The following PIP5K1B variants were observed in gnomAD, a reference collection of about 807,000 sequenced individuals.
The protein encoded by PIP5K1B is phosphatidylinositol-4-phosphate 5-kinase type 1 beta.
PIP5K1B carries 42 observed loss-of-function variants against 67.0 expected under a neutral mutation model. The ratio of observed to expected loss-of-function variants is 0.63; its 90% CI spans 0.49 to 0.81. The LOEUF (loss-of-function observed/expected upper bound fraction) is 0.81, where lower values mean the gene tolerates loss of function less well. Ranked by LOEUF, PIP5K1B falls within the 30% of genes least tolerant of loss-of-function variation. The pLI is 0.00. For missense variants in PIP5K1B, 459 were observed against 646.3 expected, an observed-to-expected ratio of 0.71 and a Z score of 3.14; for synonymous variants, 214 against 231.4, an observed-to-expected ratio of 0.92 and a Z score of 0.68.
intron 2 of PIP5K1B, among the ~76,000 whole-genome samples, chr9:68,798,991 CTT>C (rs1403632575): frequency 8.5e-5 from 13 of 152,130 alleles, no homozygotes; most frequent in Admixed American, 6.5e-5. Flanking sequence ...AGTTTACTGA[CTT>C]GAGTAAAAAT....
At chr9:68,995,897 T>C (rs561532903) in intron 15 of PIP5K1B, among the ~76,000 whole-genome samples, 1 of 152,322 alleles carries the variant, frequency 6.6e-6, no homozygotes, top group East Asian at 1.9e-4. Context: ...TTTTTTCCTT[T>C]TGACATAATT....
Position 69,004,197 on chromosome 9 carries a change from C to CT in PIP5K1B, c.1621-4249dup, listed in dbSNP as rs970665460. Among the ~76,000 whole-genome samples the CT allele has an allele frequency of 1.0e-3, 158 of 152,270 alleles. 1 individual carries two copies. The highest frequency in any genetic ancestry group is 3.7e-3 in the African/African-American group (155 of 41,548). ...ACACTGGGATTTAGGCTGAAATACT[C>CT]TACTTTTACTTTTTATGGCAACTAT... On this transcript the variant is annotated intron_variant, in intron 15 of 15. Transcript: ENST00000265382.
chr9:68,899,196 C>T (rs949733034), intron 8 of PIP5K1B, among the ~76,000 whole-genome samples: 2 of 152,116 alleles, frequency 1.3e-5, no homozygotes, highest in Non-Finnish European at 2.9e-5. Context: ...TTCTTCCCCT[C>T]TTCTACACCT....
intron 12 of PIP5K1B, among the ~76,000 whole-genome samples, chr9:68,929,652 A>C (rs764305499): frequency 6.6e-6 from 1 of 151,632 alleles, no homozygotes; most frequent in Non-Finnish European, 1.5e-5. Flanking sequence ...AACAACTTTC[A>C]GTTTTTTTTG....
At chr9:68,994,037 AT>A (rs67700788) in intron 15 of PIP5K1B, among the ~76,000 whole-genome samples, 2,941 of 118,564 alleles carry the variant, frequency 0.025, 68 homozygotes, top group African/African-American at 0.082. Flanking sequence ...TTTTTCCTGA[AT>A]TTTTTTTTTT....
intron 2 of PIP5K1B, among the ~76,000 whole-genome samples, chr9:68,744,683 G>A (rs144414577): frequency 2.6e-5 from 4 of 152,256 alleles, no homozygotes; most frequent in Non-Finnish European, 2.9e-5. Context: ...CTAGGCAGGC[G>A]GTATCATAGG....
intron 14 of PIP5K1B, among the ~76,000 whole-genome samples, chr9:68,953,530 T>A (rs914492907): frequency 6.6e-6 from 1 of 152,020 alleles, no homozygotes; most frequent in Admixed American, 6.6e-5. Flanking sequence ...GAAAACTGAT[T>A]AGAGGCCAGG....
At chr9:68,767,828 T>C (rs1830506602) in intron 2 of PIP5K1B, among the ~76,000 whole-genome samples, 1 of 152,056 alleles carries the variant, frequency 6.6e-6, no homozygotes, top group African/African-American at 2.4e-5. Flanking sequence ...CTGTTTAAGT[T>C]TGTCAAAACT....
intron 1 of PIP5K1B, among the ~76,000 whole-genome samples, chr9:68,741,087 C>T (rs900342353): frequency 1.2e-4 from 18 of 152,304 alleles, no homozygotes; most frequent in African/African-American, 4.1e-4. Flanking sequence ...AAAAATATAT[C>T]TACTCTTTCA....
chr9:68,885,419 A>G (rs781200372), intron 6 of PIP5K1B, among the ~76,000 whole-genome samples: 2 of 152,224 alleles, frequency 1.3e-5, no homozygotes, highest in South Asian at 2.1e-4. Context: ...CAGTTAATGT[A>G]TATCTTTCTA....
intron 6 of PIP5K1B, among the ~76,000 whole-genome samples, chr9:68,883,915 T>A (rs1216432752): frequency 6.6e-6 from 1 of 152,034 alleles, no homozygotes; most frequent in Non-Finnish European, 1.5e-5. Flanking sequence ...GATAGTCTCT[T>A]TAAGAAATGA....
At chr9:68,930,630 A>G (rs955871790) in intron 12 of PIP5K1B, among the ~76,000 whole-genome samples, 10 of 151,948 alleles carry the variant, frequency 6.6e-5, no homozygotes, top group African/African-American at 1.2e-4. Context: ...TGTGGCCCCA[A>G]ACAGGTCTCT....
intron 13 of PIP5K1B, 144 bp from the exon 14 acceptor site, chr9:68,940,502 G>GAA: frequency 1.2e-5 from 8 of 685,580 alleles, no homozygotes; most frequent in South Asian, 2.3e-5. Context: ...CTGTAATTCA[G>GAA]AAAAAAAAAG....
At chr9:68,711,278 T>C (rs4352908) in intron 1 of PIP5K1B, among the ~76,000 whole-genome samples, 83,970 of 152,034 alleles carry the variant, frequency 0.55, 23,498 homozygotes, top group East Asian at 0.69. Flanking sequence ...CTTTCTTTTT[T>C]AAACCATGCC....
chr9:68,986,802 C>G (rs1830112914), intron 14 of PIP5K1B, among the ~76,000 whole-genome samples: 1 of 152,038 alleles, frequency 6.6e-6, no homozygotes, highest in South Asian at 2.1e-4. Flanking sequence ...CTCATAGCTT[C>G]CAAAAATAAA....
In PIP5K1B at chr9:68,917,579, G is replaced by A; in HGVS notation, c.803G>A (p.Ser268Asn). 1.2e-6 allele frequency: 2 copies of A among 1,614,016 alleles called. No homozygotes were observed. Among genetic ancestry groups the A allele is most frequent in the Non-Finnish European group, 1.7e-6 (2 of 1,179,898 alleles). Residue 268 changes from serine (S) to asparagine (N), a missense_variant, in exon 9 of 16, where the codon AGC (serine) becomes AAC (asparagine). Physicochemically the swap from Ser to Asn is conservative, Grantham distance 46. This residue lies in a region of PIP5K1B where 290 missense variants were observed against 474.4 expected (regional missense o/e 0.61). Coordinates refer to ENST00000265382, the MANE Select transcript of PIP5K1B (RefSeq NM_003558.4). ...GAAAGCTTCAAGATCATGGATTATA[G>A]CCTTCTGTTGGGAATTCATTTCCTG... Reference protein sequence around the residue: ...VLESFKIMDYSLLLGIHFLDH... With the variant: ...VLESFKIMDYNLLLGIHFLDH...
chr9:68,890,421 C>G (rs1207894351), intron 7 of PIP5K1B, among the ~76,000 whole-genome samples: 2 of 152,158 alleles, frequency 1.3e-5, no homozygotes, highest in Admixed American at 6.5e-5. Context: ...ATTTCAGAAG[C>G]CCAAGTTCTG....
chr9:68,925,798 T>TTTTTTTTTTC (rs1311088859), intron 12 of PIP5K1B, among the ~76,000 whole-genome samples: 2 of 124,430 alleles, frequency 1.6e-5, no homozygotes, highest in Non-Finnish European at 1.7e-5. Context: ...GGTTCCAATT[T>TTTTTTTTTTC]TTTTTTTTTT....
chr9:68,793,255 G>A (rs929483472), intron 2 of PIP5K1B, among the ~76,000 whole-genome samples: 1 of 152,110 alleles, frequency 6.6e-6, no homozygotes, highest in Non-Finnish European at 1.5e-5. Context: ...TTGTATGAAG[G>A]ACACTGGCTT....
Sources: allele counts gnomAD v4.1 joint callset (sites outside exome capture counted in the v4.1 genomes callset), GRCh38; gene constraint gnomAD v4.1.1; regional missense constraint gnomAD v4.1.1; transcripts MANE v1.5; gene names NCBI Gene and HGNC (gene_info 2026-07-23, HGNC 2026-07-21).